The following FKBP8 variants were observed in gnomAD, a reference collection of about 807,000 sequenced individuals.
FKBP8 encodes peptidyl-prolyl cis-trans isomerase FKBP8.
FKBP8 carries 5 observed loss-of-function variants against 41.7 expected under a neutral mutation model. The observed-to-expected ratio is 0.12, with a 90% CI of 0.06 to 0.25. The LOEUF is 0.25. Ranked by LOEUF, FKBP8 falls within the 10% of genes least tolerant of loss-of-function variation. FKBP8 has a pLI of 1.00. For synonymous variants in FKBP8, 279 were observed against 254.5 expected (o/e 1.10, Z -0.92); for missense variants, 397 against 563.0 (o/e 0.71, Z 2.98).
Position 18,537,643 on chromosome 19 carries a change from C to T in FKBP8, c.903G>A (p.Glu301=). Residue 301 remains glutamate (E), a synonymous_variant, in exon 6 of 9, where the codon GAG becomes GAA. Coordinates refer to ENST00000608443, the MANE Select transcript of FKBP8 (RefSeq NM_012181.5). The surrounding 1 kb of genome is among the most constrained non-coding windows in gnomAD (Gnocchi z 4.4). ...AALRSCSLVL[E]HQPDNIKALF... ...GAGCCTTGATGTTGTCTGGCTGGTG[C>T]TCCAGCACAAGGCTGCAGGAGCGCA... is the stretch of plus-strand genomic sequence containing the variant. 1 of 1,611,258 alleles carries T rather than the reference C, an allele frequency of 6.2e-7. No homozygotes were observed. The highest frequency in any genetic ancestry group is 8.5e-7 in the Non-Finnish European group (1 of 1,178,440).
In FKBP8 at chr19:18,537,168, T is replaced by A. The variant is rs1568410297; in HGVS notation, c.945+433A>T. ...AGCCTGGCCAATATGGCTAACCACA[T>A]CTCTACTAAAAATACAAAAATTAAC... On this transcript the variant is annotated intron_variant, in intron 6 of 8. Transcript: ENST00000608443. The surrounding 1 kb of genome is among the most constrained non-coding windows in gnomAD (Gnocchi z 4.4). 6.6e-6 allele frequency among the ~76,000 whole-genome samples: 1 copy of A among 151,888 alleles called. No homozygotes were observed. Among genetic ancestry groups the A allele is most frequent in the Non-Finnish European group, 1.5e-5 (1 of 67,990 alleles).
At position 18,538,698 on chromosome 19, in the gene FKBP8, A is replaced by C. The variant is rs1976635414; in HGVS notation, c.552-262T>G. Among the ~76,000 whole-genome samples the C allele has an allele frequency of 6.7e-6, 1 of 150,056 alleles. No homozygotes were observed. Among genetic ancestry groups the C allele is most frequent in the Admixed American group, 6.6e-5 (1 of 15,040 alleles). On this transcript the variant is annotated intron_variant, in intron 4 of 8. Coordinates refer to ENST00000608443, the MANE Select transcript of FKBP8 (RefSeq NM_012181.5). This position sits in a 1 kb window ranked among gnomAD's most constrained non-coding sequence, Gnocchi z 4.0. ...GTTCTCACTCTGTTGCCCGGGCTGG[A>C]GTGCAGTGGTGCAATCTTGGCTCAC...
Position 18,537,843 on chromosome 19 carries a change from G to A in FKBP8, c.773-70C>T. ...CAGACACCCCGGCACCCACCCCTCTGCGGAGGCTGCCTCTCTGGCCTCAGT... is the reference window on the plus strand; with the variant it reads ...CAGACACCCCGGCACCCACCCCTCTACGGAGGCTGCCTCTCTGGCCTCAGT... On this transcript the variant is annotated intron_variant, in intron 5 of 8. Coordinates refer to ENST00000608443, the MANE Select transcript of FKBP8 (RefSeq NM_012181.5). The surrounding 1 kb of genome is among the most constrained non-coding windows in gnomAD (Gnocchi z 4.4). 4 of 1,490,274 alleles carry A rather than the reference G, an allele frequency of 2.7e-6. No individual in the cohort carries two copies. The highest frequency in any genetic ancestry group is 3.6e-6 in the Non-Finnish European group (4 of 1,102,236). The allele number at this position is 1,490,274 out of a possible 1,614,324, so 92.3% of individuals were successfully genotyped here. A position where few individuals can be genotyped will look rare whatever the true frequency, so the allele number is the denominator to read the frequency against.
Position 18,532,745 on chromosome 19 carries a change from C to A in FKBP8, c.1074G>T (p.Arg358=), listed in dbSNP as rs1976478210. 1.2e-6 allele frequency: 2 copies of A among 1,614,014 alleles called. No homozygotes were observed. Among genetic ancestry groups the A allele is most frequent in the Non-Finnish European group, 8.5e-7 (1 of 1,180,052 alleles). ...TCCGGTACAAGGCGGTCTCCGTGCT[C>A]CGCTGCGCCGCATGCTTCTTCACCA... is the stretch of plus-strand genomic sequence containing the variant. ...SKLVKKHAAQ[R]STETALYRKM... is the part of the protein sequence containing the mutation. The change falls in exon 8 of 9, where the codon CGG becomes CGT. Residue 358 remains arginine (R), a synonymous_variant. Transcript: ENST00000608443.
rs189619753 is a variant in FKBP8, at chr19:18,532,413, C to A, written c.1156-158G>T. 646 of 915,714 alleles carry A rather than the reference C, an allele frequency of 7.1e-4. 2 individuals are homozygous for A. The African/African-American group carries it at 9.8e-3, about 14-fold the overall frequency. The allele number at this position is 915,714 out of a possible 1,614,324, so 56.7% of individuals were successfully genotyped here. A position where few individuals can be genotyped will look rare whatever the true frequency, so the allele number is the denominator to read the frequency against. On this transcript the variant is annotated intron_variant, in intron 8 of 8. Transcript: ENST00000608443. ...AAACTCCTACTCATGCAGCAAAACCCAAATCAAATGGCCCCTCCTCCAGGA... is the reference window on the plus strand; with the variant it reads ...AAACTCCTACTCATGCAGCAAAACCAAAATCAAATGGCCCCTCCTCCAGGA...
chr19:18,536,377 G>C (rs553625157), intron 6 of FKBP8, among the ~76,000 whole-genome samples: 72 of 152,114 alleles, frequency 4.7e-4, no homozygotes, highest in Non-Finnish European at 8.1e-4. Context: ...TTTTGTTTTT[G>C]ACACAGGGTC....
rs1372548008 is a variant in FKBP8 at position 18,533,356 on chromosome 19, G to T, written c.946-9C>A. ...CCCTGCTGGGCCAGCACCTGTAAGG[G>T]GAAGGGGGTGGCATCACTCTGGACC... On this transcript the variant is annotated splice_polypyrimidine_tract_variant and intron_variant, in intron 6 of 8. Coordinates refer to ENST00000608443, the MANE Select transcript of FKBP8 (RefSeq NM_012181.5). 4 of 1,596,460 alleles carry T rather than the reference G, an allele frequency of 2.5e-6. No individual in the cohort carries two copies. The highest frequency in any genetic ancestry group is 3.4e-6 in the Non-Finnish European group (4 of 1,170,608).
chr19:18,532,334 C>T, intron 8 of FKBP8, 79 bp from the exon 9 acceptor site: 1 of 1,293,938 alleles, frequency 7.7e-7, no homozygotes, highest in Non-Finnish European at 1.1e-6. Context: ...CAGCACAGCC[C>T]AAACAGACCT....
chr19:18,537,548 A>G lies in FKBP8; in HGVS notation c.945+53T>C. Reference sequence around the variant, plus strand: ...TTTCTCAAATGCAGGGTTGGGGACCACCCCGTATACCCCAGGCTGAGTGAC... The same window carrying G: ...TTTCTCAAATGCAGGGTTGGGGACCGCCCCGTATACCCCAGGCTGAGTGAC... On this transcript the variant is annotated intron_variant, in intron 6 of 8. Transcript: ENST00000608443. This position sits in a 1 kb window ranked among gnomAD's most constrained non-coding sequence, Gnocchi z 4.4. 6.6e-7 allele frequency: 1 copy of G among 1,505,242 alleles called. No homozygotes were observed. Among genetic ancestry groups the G allele is most frequent in the South Asian group, 1.3e-5 (1 of 77,368 alleles). The allele number at this position is 1,505,242 out of a possible 1,614,324, so 93.2% of individuals were successfully genotyped here. A position where few individuals can be genotyped will look rare whatever the true frequency, so the allele number is the denominator to read the frequency against.
chr19:18,541,418 G>A (rs997973500), intron 2 of FKBP8, among the ~76,000 whole-genome samples: 6 of 152,228 alleles, frequency 3.9e-5, no homozygotes, highest in African/African-American at 1.2e-4. Context: ...TGGCGTGCTG[G>A]CTGTGTGGCT....
intron 6 of FKBP8, among the ~76,000 whole-genome samples, chr19:18,535,064 C>A (rs528379139): frequency 6.6e-6 from 1 of 152,148 alleles, no homozygotes; most frequent in Admixed American, 6.6e-5. Flanking sequence ...GTATTACAGG[C>A]ATGAGCCACC....
intron 2 of FKBP8, among the ~76,000 whole-genome samples, chr19:18,541,426 GCTCTGGGCAGGTGACTCAGCCT>G (rs1391779117): frequency 6.6e-6 from 1 of 152,214 alleles, no homozygotes; most frequent in African/African-American, 2.4e-5. Flanking sequence ...TGGCTGTGTG[GCTCTGGGCAGGTGACTCAGCCT>G]CTCTGAGCCA....
chr19:18,541,133 TG>T (rs890049838), intron 2 of FKBP8, among the ~76,000 whole-genome samples: 3 of 151,660 alleles, frequency 2.0e-5, no homozygotes, highest in Admixed American at 6.6e-5. Context: ...TGGGGTATGT[TG>T]GGGGGAACAT....
rs1976626295 is a variant in FKBP8 at position 18,538,337 on chromosome 19, C to T, written c.651G>A (p.Glu217=). 6.2e-7 allele frequency: 1 copy of T among 1,613,472 alleles called. No homozygotes were observed. Among genetic ancestry groups the T allele is most frequent in the African/African-American group, 1.3e-5 (1 of 74,924 alleles). ...GCTTCCGGTTGGCCAGGGCCACGCGCTCCTGCCCCGTGAGCATCTCCAGGT... is the reference window on the plus strand; with the variant it reads ...GCTTCCGGTTGGCCAGGGCCACGCGTTCCTGCCCCGTGAGCATCTCCAGGT... ...GPDLEMLTGQ[E]RVALANRKRE... is the part of the protein sequence containing the mutation. Residue 217 remains glutamate (E), a synonymous_variant, in exon 5 of 9, where the codon GAG becomes GAA. Coordinates refer to ENST00000608443, the MANE Select transcript of FKBP8 (RefSeq NM_012181.5). This position sits in a 1 kb window ranked among gnomAD's most constrained non-coding sequence, Gnocchi z 4.0.
chr19:18,533,616 G>A (rs1176245334), intron 6 of FKBP8, among the ~76,000 whole-genome samples: 1 of 151,754 alleles, frequency 6.6e-6, no homozygotes, highest in Non-Finnish European at 1.5e-5. Context: ...GAGGTGGGAG[G>A]ATTGCTTGAA....
chr19:18,542,835 G>C (rs1976738166), intron 1 of FKBP8: 1 of 1,134,918 alleles, frequency 8.8e-7, no homozygotes. Flanking sequence ...AAGCTCAGAA[G>C]AGTGTGGCAC....
At chr19:18,541,132 T>TGA (rs1976689460) in intron 2 of FKBP8, among the ~76,000 whole-genome samples, 1 of 151,842 alleles carries the variant, frequency 6.6e-6, no homozygotes, top group South Asian at 2.1e-4. Context: ...ATGGGGTATG[T>TGA]TGGGGGGAAC....
rs898055003 is a variant in FKBP8, at chr19:18,532,537, C to G, written c.1155+127G>C. On this transcript the variant is annotated intron_variant, in intron 8 of 8. Coordinates refer to ENST00000608443, the MANE Select transcript of FKBP8 (RefSeq NM_012181.5). ...CCACTCATGATCACACAGGGCTGGG[C>G]TCTCTCCACGTCCCCTGCATCGCCC... 4.3e-6 allele frequency: 6 copies of G among 1,384,432 alleles called. No homozygotes were observed. The Admixed American group carries it at 1.1e-4, about 25-fold the overall frequency. The allele number at this position is 1,384,432 out of a possible 1,614,324, so 85.8% of individuals were successfully genotyped here.
Position 18,536,325 on chromosome 19 carries a change from T to G in FKBP8, c.945+1276A>C, listed in dbSNP as rs1466661447. 7 of 152,106 alleles carry G rather than the reference T, an allele frequency of 4.6e-5. No individual in the cohort carries two copies. In the South Asian group the frequency reaches 1.5e-3, roughly 32 times the overall value. The allele number at this position is 152,106 out of a possible 1,614,324, so 9.4% of individuals were successfully genotyped here. ...AAGGTCAAGTCTGTGCAAGCCAGAT[T>G]CACCCCTATGTTCTGCCAGAACTTT... On this transcript the variant is annotated intron_variant, in intron 6 of 8. Transcript: ENST00000608443.
Sources: allele counts gnomAD v4.1 joint callset (sites outside exome capture counted in the v4.1 genomes callset), GRCh38; gene constraint gnomAD v4.1.1; non-coding constraint Gnocchi (gnomAD v3.1); transcripts MANE v1.5; gene names NCBI Gene and HGNC (gene_info 2026-07-23, HGNC 2026-07-21).